Variants in LMAN1 observed in about 807,000 individuals in gnomAD.
LMAN1 encodes the protein lectin, mannose binding 1.
In LMAN1, 32 loss-of-function variants were observed where a neutral mutation model predicts 67.8. That is an observed-to-expected ratio of 0.47 (90% CI 0.36 to 0.63). LMAN1 has a LOEUF of 0.63. Ranked by LOEUF, LMAN1 falls within the 30% of genes least tolerant of loss-of-function variation. LMAN1 has a pLI of 0.00. For synonymous variants in LMAN1, 235 were observed against 219.3 expected (o/e 1.07, Z -0.63); for missense variants, 632 against 628.2 (o/e 1.01, Z -0.06).
rs1443359688 is a variant in LMAN1 at position 59,333,213 on chromosome 18, T to C, written c.1252A>G (p.Ser418Gly). ...GCAGAGCCAGGGTGCTGCATTCCACTGACCAGTCTGACGGTTTCACTCATG... is the reference window on the plus strand; with the variant it reads ...GCAGAGCCAGGGTGCTGCATTCCACCGACCAGTCTGACGGTTTCACTCATG... Reference protein sequence around the residue: ...NSMSETVRLVSGMQHPGSAGG... With the variant: ...NSMSETVRLVGGMQHPGSAGG... Residue 418 changes from serine (S) to glycine (G), a missense_variant, in exon 11 of 13, where the codon AGT (serine) becomes GGT (glycine). Coordinates refer to ENST00000251047, the MANE Select transcript of LMAN1 (RefSeq NM_005570.4). 2 of 1,613,662 alleles carry C rather than the reference T, an allele frequency of 1.2e-6. No homozygotes were observed. The highest frequency in any genetic ancestry group is 1.7e-6 in the Non-Finnish European group (2 of 1,179,736).
intron 8 of LMAN1, among the ~76,000 whole-genome samples, chr18:59,345,238 T>C (rs558717422): frequency 1.7e-4 from 26 of 152,236 alleles, no homozygotes; most frequent in Non-Finnish European, 2.6e-4. Flanking sequence ...AGTACACCTT[T>C]GATCACTTAT....
chr18:59,331,197 A>C, intron 12 of LMAN1, 68 bp from the exon 13 acceptor site: 1 of 1,347,100 alleles, frequency 7.4e-7, no homozygotes. Context: ...AAACAGGACT[A>C]TTTAAAATTA....
chr18:59,340,968 A>G (rs1472533147), intron 8 of LMAN1, among the ~76,000 whole-genome samples: 3 of 152,206 alleles, frequency 2.0e-5, no homozygotes, highest in African/African-American at 7.2e-5. Flanking sequence ...TATACTGCCT[A>G]CAAGAAACTT....
intron 8 of LMAN1, among the ~76,000 whole-genome samples, chr18:59,342,718 T>C (rs1908314484): frequency 1.3e-5 from 2 of 152,064 alleles, no homozygotes; most frequent in Non-Finnish European, 2.9e-5. Context: ...GTTGAAAACA[T>C]TCCCTTTAAG....
chr18:59,344,840 TAC>T (rs1380854020), intron 8 of LMAN1, among the ~76,000 whole-genome samples: 2 of 152,184 alleles, frequency 1.3e-5, no homozygotes, highest in Non-Finnish European at 2.9e-5. Context: ...TCTCTTTCAT[TAC>T]ACTGTGTGAT....
At chr18:59,331,699 G>C (rs2070748733) in intron 11 of LMAN1, 160 bp from the exon 12 acceptor site, 2 of 724,806 alleles carry the variant, frequency 2.8e-6, no homozygotes, top group Admixed American at 2.6e-5. Flanking sequence ...ACTGACAACT[G>C]TTTTTGAAGG....
intron 10 of LMAN1, chr18:59,333,582 A>T (rs1460754831): frequency 1.5e-5 from 4 of 263,246 alleles, no homozygotes; most frequent in Non-Finnish European, 2.9e-5. Context: ...GTTCAGCTGT[A>T]CAGTAAAGGA....
chr18:59,338,681 A>G, intron 9 of LMAN1, 54 bp from the exon 10 acceptor site: 4 of 1,603,144 alleles, frequency 2.5e-6, no homozygotes, highest in Non-Finnish European at 3.4e-6. Context: ...CTATGAGCAC[A>G]TAGTACAGTT....
intron 1 of LMAN1, 132 bp downstream of exon 1, chr18:59,358,899 C>A (rs1431627963): frequency 2.6e-5 from 24 of 909,194 alleles, no homozygotes; most frequent in Non-Finnish European, 3.5e-5. Context: ...CAGGAGGGTC[C>A]CCTCCACAGC....
chr18:59,346,582 T>C (rs1908413929), intron 7 of LMAN1, among the ~76,000 whole-genome samples: 1 of 148,946 alleles, frequency 6.7e-6, no homozygotes, highest in Admixed American at 6.7e-5. Context: ...GTGCAGTGTC[T>C]TGATCTCAGC....
In LMAN1 at chr18:59,347,245, C is replaced by T. The variant is rs1169867437; in HGVS notation, c.822+268G>A. Reference sequence around the variant, plus strand: ...GTAGCTGGAACTACAGGTGTGAACCCGGGAGGCGGAGCTTGCAGAGAGCAG... The same window carrying T: ...GTAGCTGGAACTACAGGTGTGAACCTGGGAGGCGGAGCTTGCAGAGAGCAG... On this transcript the variant is annotated intron_variant, in intron 7 of 12. Transcript: ENST00000251047. 3.0e-5 allele frequency among the ~76,000 whole-genome samples: 4 copies of T among 135,046 alleles called. No individual in the cohort carries two copies. The South Asian group carries it at 7.1e-4, about 24-fold the overall frequency. 88.6% of individuals were successfully genotyped at this position (135,046 alleles called of 152,430 possible). A position where few individuals can be genotyped will look rare whatever the true frequency, so the allele number is the denominator to read the frequency against.
intron 6 of LMAN1, among the ~76,000 whole-genome samples, chr18:59,348,568 T>A (rs17696641): frequency 0.11 from 16,117 of 152,302 alleles, 1,061 homozygotes; most frequent in Admixed American, 0.15. Flanking sequence ...CAATGTGTCA[T>A]ATAAACATAA....
chr18:59,340,743 G>T (rs1041752302), intron 8 of LMAN1, among the ~76,000 whole-genome samples: 4 of 152,048 alleles, frequency 2.6e-5, no homozygotes, highest in African/African-American at 9.7e-5. Context: ...GAAGATGTAA[G>T]AATCAAATGG....
chr18:59,338,046 A>G (rs1036916402), intron 10 of LMAN1, among the ~76,000 whole-genome samples: 1 of 152,210 alleles, frequency 6.6e-6, no homozygotes, highest in Non-Finnish European at 1.5e-5. Flanking sequence ...GGACACAATT[A>G]TCTCCTCTCT....
chr18:59,338,154 G>T (rs1227286710), intron 10 of LMAN1, among the ~76,000 whole-genome samples: 3 of 152,120 alleles, frequency 2.0e-5, no homozygotes, highest in South Asian at 2.1e-4. Flanking sequence ...CCATCAAAAA[G>T]AATTTCCTGC....
At chr18:59,336,570 T>C (rs1908152661) in intron 10 of LMAN1, among the ~76,000 whole-genome samples, 1 of 152,074 alleles carries the variant, frequency 6.6e-6, no homozygotes, top group Non-Finnish European at 1.5e-5. Context: ...TGAACAAATA[T>C]GGAGGGAATT....
At chr18:59,350,334 C>T (rs1211455453) in intron 5 of LMAN1, among the ~76,000 whole-genome samples, 2 of 152,152 alleles carry the variant, frequency 1.3e-5, no homozygotes, top group Non-Finnish European at 2.9e-5. Context: ...TTAGAATCAA[C>T]AATCAGGAAG....
chr18:59,331,337 T>G, intron 12 of LMAN1, 81 bp downstream of exon 12: 2 of 1,393,164 alleles, frequency 1.4e-6, no homozygotes, highest in Non-Finnish European at 2.0e-6. Context: ...AATTGTATTA[T>G]GAACATAGAT....
chr18:59,350,977 C>G (rs1430074870), intron 5 of LMAN1, among the ~76,000 whole-genome samples: 1 of 152,184 alleles, frequency 6.6e-6, no homozygotes, highest in Non-Finnish European at 1.5e-5. Context: ...ACTACACTTG[C>G]AATATTTAAG....
Sources: allele counts gnomAD v4.1 joint callset (sites outside exome capture counted in the v4.1 genomes callset), GRCh38; gene constraint gnomAD v4.1.1; transcripts MANE v1.5; gene names NCBI Gene and HGNC (gene_info 2026-07-23, HGNC 2026-07-21).